ZNF732: variants seen among roughly 807,000 people sequenced by gnomAD.
The protein encoded by ZNF732 is zinc finger protein 732.
In ZNF732, 12 loss-of-function variants were observed where a neutral mutation model predicts 11.5. The ratio of observed to expected loss-of-function variants is 1.05; its 90% CI spans 0.67 to 1.70. The LOEUF is 1.70. Ranked by LOEUF, ZNF732 falls within the 40% of genes most tolerant of loss-of-function variation. The pLI is 0.00. For missense variants in ZNF732, 702 were observed against 676.9 expected (o/e 1.04, Z -0.41); for synonymous variants, 231 against 236.5 (o/e 0.98, Z 0.21).
At chr4:282,963 A>C (rs1324341296) in intron 3 of ZNF732, among the ~76,000 whole-genome samples, 1 of 152,206 alleles carries the variant, frequency 6.6e-6, no homozygotes, top group African/African-American at 2.4e-5. Flanking sequence ...TAATTCCTTT[A>C]AATATAAAAA....
chr4:276,122 T>C (rs1022095880), intron 3 of ZNF732, among the ~76,000 whole-genome samples: 4 of 151,716 alleles, frequency 2.6e-5, no homozygotes, highest in Admixed American at 6.6e-5. Context: ...CACACAAATA[T>C]AGATTTACAA....
Position 271,945 on chromosome 4 carries a change from T to C in ZNF732, c.912A>G (p.Lys304=). ...AKHKKIHTGE[K]LYKCQECGKV... ...TGCCACATTCCTGACATTTGTAGAG[T>C]TTCTCTCCGGTATGAATTTTCTTAT... Residue 304 remains lysine (K), a synonymous_variant, in exon 4 of 4, where the codon AAA becomes AAG. Coordinates refer to ENST00000419098, the MANE Select transcript of ZNF732 (RefSeq NM_001137608.3). 2 of 1,608,302 alleles carry C rather than the reference T, an allele frequency of 1.2e-6. No homozygotes were observed. The highest frequency in any genetic ancestry group is 2.7e-5 in the African/African-American group (2 of 74,804).
chr4:301,833 G>A (rs747375427), intron 1 of ZNF732, among the ~76,000 whole-genome samples: 2 of 152,142 alleles, frequency 1.3e-5, no homozygotes, highest in African/African-American at 2.4e-5. Flanking sequence ...AAACCTGCAC[G>A]TTGTGCACAT....
chr4:299,435 GTATATATATATATATACACATATGTGTA>G lies in ZNF732; in HGVS notation c.4-3308_4-3281del, dbSNP rs1466476234. Among the ~76,000 whole-genome samples the G allele has an allele frequency of 1.9e-3, 185 of 95,410 alleles. 8 individuals carry two copies. Among genetic ancestry groups the G allele is most frequent in the African/African-American group, 3.7e-3 (69 of 18,688 alleles). The allele number at this position is 95,410 out of a possible 152,430, so 62.6% of individuals were successfully genotyped here. A position where few individuals can be genotyped will look rare whatever the true frequency, so the allele number is the denominator to read the frequency against. ...TATATACACATATATACACATATGTGTATATATATATATATACACATATGTGTATATATATATACACATATATACACAT... is the reference window on the plus strand; with the variant it reads ...TATATACACATATATACACATATGTGTATATATATACACATATATACACAT... On this transcript the variant is annotated intron_variant, in intron 1 of 3. Coordinates refer to ENST00000419098, the MANE Select transcript of ZNF732 (RefSeq NM_001137608.3).
At chr4:276,861 G>C (rs781943402) in intron 3 of ZNF732, among the ~76,000 whole-genome samples, 10 of 151,172 alleles carry the variant, frequency 6.6e-5, no homozygotes, top group Non-Finnish European at 1.0e-4. Flanking sequence ...AATCCTAAGG[G>C]GGGGACAAAA....
At position 270,691 on chromosome 4, in the gene ZNF732, T is replaced by A. The variant is rs782075438; in HGVS notation, c.*408A>T. ...AGATTCCTTACATTTGTAGGTGTTC[T>A]CTCCATTATGAATTTTCTCATGTTT... On this transcript the variant is annotated 3_prime_UTR_variant, in exon 4 of 4. Transcript: ENST00000419098. 1.5e-5 allele frequency: 6 copies of A among 389,204 alleles called. No homozygotes were observed. The highest frequency in any genetic ancestry group is 2.5e-5 in the Non-Finnish European group (5 of 198,256). The allele number at this position is 389,204 out of a possible 1,614,324, so 24.1% of individuals were successfully genotyped here. A position where few individuals can be genotyped will look rare whatever the true frequency, so the allele number is the denominator to read the frequency against.
In ZNF732 at chr4:281,110, C is replaced by T. The variant is rs534103093; in HGVS notation, c.227-8480G>A. Among the ~76,000 whole-genome samples, 8 of 152,336 alleles carry T rather than the reference C, an allele frequency of 5.3e-5. No individual in the cohort carries two copies. In the East Asian group the frequency reaches 1.5e-3, roughly 29 times the overall value. ...CTAACCTGGGACCTGCCAAAAAGCACACCTGTATGTGCCCCTGTAGGCATG... is the reference window on the plus strand; with the variant it reads ...CTAACCTGGGACCTGCCAAAAAGCATACCTGTATGTGCCCCTGTAGGCATG... On this transcript the variant is annotated intron_variant, in intron 3 of 3. Coordinates refer to ENST00000419098, the MANE Select transcript of ZNF732 (RefSeq NM_001137608.3).
At chr4:299,416 CACATAT>C (rs1560165123) in intron 1 of ZNF732, among the ~76,000 whole-genome samples, 2 of 56,234 alleles carry the variant, frequency 3.6e-5, no homozygotes, top group African/African-American at 1.2e-4. Context: ...TATATATATA[CACATAT>C]ATACACATAT....
At position 271,208 on chromosome 4, in the gene ZNF732, G is replaced by A; in HGVS notation, c.1649C>T (p.Thr550Ile). The part of the protein sequence containing the change: ...RRSRVLNKYK[T>I]IHTGDKTPKC... ...GGGGGTTTTATCTCCAGTATGAATTGTCTTATATTTATTCAGGACTCTGGA... is the reference window on the plus strand; with the variant it reads ...GGGGGTTTTATCTCCAGTATGAATTATCTTATATTTATTCAGGACTCTGGA... The change falls in exon 4 of 4, where the codon ACA (threonine) becomes ATA (isoleucine). Residue 550 changes from threonine (T) to isoleucine (I), a missense_variant. By Grantham distance (89) the Thr-to-Ile change is moderately conservative (BLOSUM62 -1). Transcript: ENST00000419098. 1 of 1,555,522 alleles carries A rather than the reference G, an allele frequency of 6.4e-7. No individual in the cohort carries two copies. Among genetic ancestry groups the A allele is most frequent in the Admixed American group, 2.0e-5 (1 of 51,218 alleles).
intron 1 of ZNF732, among the ~76,000 whole-genome samples, chr4:297,607 T>TATAAAAAA: frequency 9.9e-6 from 1 of 100,992 alleles, no homozygotes; most frequent in East Asian, 3.0e-4. Context: ...TTAAGATTTG[T>TATAAAAAA]AAAAAAAAAA....
At chr4:296,658 T>C (rs1581546147) in intron 1 of ZNF732, among the ~76,000 whole-genome samples, 1 of 152,284 alleles carries the variant, frequency 6.6e-6, no homozygotes, top group African/African-American at 2.4e-5. Context: ...TCAATGCGCA[T>C]AAAAATTATT....
rs1720212267 is a variant in ZNF732 at position 305,381 on chromosome 4, G to A, written c.-71C>T. The A allele has an allele frequency of 1.3e-6, 2 of 1,596,414 alleles. No individual in the cohort carries two copies. The highest frequency in any genetic ancestry group is 1.7e-6 in the Non-Finnish European group (2 of 1,173,450). On this transcript the variant is annotated 5_prime_UTR_variant, in exon 1 of 4. Transcript: ENST00000419098. Reference sequence around the variant, plus strand: ...AATACCCGCAGGTCACAGAGCGACGGAGGCTGAGGCTGTGACCGAATCACC... The same window carrying A: ...AATACCCGCAGGTCACAGAGCGACGAAGGCTGAGGCTGTGACCGAATCACC...
intron 1 of ZNF732, among the ~76,000 whole-genome samples, chr4:296,793 C>T (rs1376936268): frequency 6.6e-6 from 1 of 152,162 alleles, no homozygotes; most frequent in Non-Finnish European, 1.5e-5. Context: ...TATTACCACT[C>T]GGCTAGAGAA....
rs782369083 is a variant in ZNF732 at position 272,142 on chromosome 4, C to G, written c.715G>C (p.Ala239Pro). The G allele has an allele frequency of 2.5e-6, 4 of 1,612,006 alleles. No homozygotes were observed. Among genetic ancestry groups the G allele is most frequent in the Non-Finnish European group, 3.4e-6 (4 of 1,179,268 alleles). The change falls in exon 4 of 4, where the codon GCT becomes CCT. Residue 239 changes from alanine (A) to proline (P), a missense_variant. By Grantham distance (27) the Ala-to-Pro change is conservative. Transcript: ENST00000419098. ...TCTCCAGTATGAACTTTATGTTTAG[C>G]AAAGTTTGAGGATGTGGTAAAGATG... ...GNIFTTSSNF[A>P]KHKVHTGEKS... is the part of the protein sequence containing the mutation.
At chr4:295,091 T>A (rs576925560) in intron 3 of ZNF732, among the ~76,000 whole-genome samples, 2 of 152,118 alleles carry the variant, frequency 1.3e-5, no homozygotes, top group African/African-American at 2.4e-5. Flanking sequence ...ACAAAAAGAA[T>A]ATTTGAAAAA....
intron 1 of ZNF732, among the ~76,000 whole-genome samples, chr4:299,439 A>ATATATACACATATATACACATGTG (rs1720047108): frequency 2.2e-5 from 1 of 45,820 alleles, no homozygotes; most frequent in Non-Finnish European, 4.2e-5. Context: ...ATATGTGTAT[A>ATATATACACATATATACACATGTG]TATATATATA....
intron 3 of ZNF732, among the ~76,000 whole-genome samples, chr4:279,867 G>A (rs1193393237): frequency 6.6e-6 from 1 of 152,048 alleles, no homozygotes; most frequent in African/African-American, 2.4e-5. Flanking sequence ...AAACAGTGAT[G>A]ACCACCAGAA....
intron 3 of ZNF732, among the ~76,000 whole-genome samples, chr4:280,165 TAA>T (rs1409921392): frequency 1.3e-4 from 20 of 151,988 alleles, no homozygotes; most frequent in African/African-American, 4.8e-4. Flanking sequence ...TTCTGACCTA[TAA>T]AATATAGAAT....
intron 1 of ZNF732, among the ~76,000 whole-genome samples, chr4:297,607 TAAAAAA>T (rs57681246): frequency 1.2e-4 from 12 of 100,992 alleles, no homozygotes; most frequent in African/African-American, 4.1e-4. Context: ...TTAAGATTTG[TAAAAAA>T]AAAAAAAAAA....
Sources: gnomAD v4.1 joint callset for allele counts (sites outside exome capture counted in the v4.1 genomes callset) on GRCh38, gnomAD v4.1.1 for gene constraint, MANE v1.5 for transcripts, NCBI Gene and HGNC (gene_info 2026-07-23, HGNC 2026-07-21) for gene names.